OXTR: variants seen among roughly 807,000 people sequenced by gnomAD.
The protein encoded by OXTR is oxytocin receptor.
In OXTR, 19 loss-of-function variants were observed where a neutral mutation model predicts 23.9. That is an observed-to-expected ratio of 0.80 (90% CI 0.56 to 1.17). OXTR has a LOEUF of 1.17. Among genes scored for constraint, OXTR ranks in the 50% most tolerant of loss-of-function variants. OXTR has a pLI of 0.00. For synonymous variants in OXTR, 278 were observed against 250.5 expected (o/e 1.11, Z -1.04); for missense variants, 500 against 550.7 (o/e 0.91, Z 0.92).
At chr3:8,759,428 G>A (rs539159676) in intron 3 of OXTR, among the ~76,000 whole-genome samples, 6 of 152,276 alleles carry the variant, frequency 3.9e-5, no homozygotes, top group South Asian at 2.1e-4. Context: ...TGGTAGCTCC[G>A]TCCTTAGGCT....
the OXTR span, among the ~76,000 whole-genome samples, chr3:8,744,445 ATTTTTT>A: frequency 2.7e-4 from 30 of 111,378 alleles, no homozygotes; most frequent in South Asian, 8.5e-4. Context: ...TACCCGGCTA[ATTTTTT>A]TTTTTTTTTT....
downstream of OXTR, among the ~76,000 whole-genome samples, chr3:8,750,116 A>G (rs999934521): frequency 6.6e-6 from 1 of 152,238 alleles, no homozygotes; most frequent in South Asian, 2.1e-4. Context: ...GAACATGTTC[A>G]CTAGGTAAGA....
rs1322917559 is a variant in OXTR, at chr3:8,753,130, T to A, written c.1017A>T (p.Glu339Asp). The A allele has an allele frequency of 6.2e-7, 1 of 1,613,828 alleles. No homozygotes were observed. Among genetic ancestry groups the A allele is most frequent in the Non-Finnish European group, 8.5e-7 (1 of 1,180,002 alleles). ...YMLFTGHLFH[E>D]LVQRFLCCSA... Reference sequence around the variant, plus strand: ...AGCAGCACAGGAAGCGCTGCACGAGTTCGTGGAAGAGGTGGCCCGTGAACA... The same window carrying A: ...AGCAGCACAGGAAGCGCTGCACGAGATCGTGGAAGAGGTGGCCCGTGAACA... Residue 339 changes from glutamate (E) to aspartate (D), a missense_variant, in exon 4 of 4, where the codon GAA (glutamate) becomes GAT (aspartate). Transcript: ENST00000316793.
chr3:8,743,504 A>G, the OXTR span, among the ~76,000 whole-genome samples: 2 of 152,118 alleles, frequency 1.3e-5, no homozygotes, highest in Non-Finnish European at 2.9e-5. Flanking sequence ...TGCATAAGAG[A>G]TTAAGTCATC....
In OXTR at chr3:8,751,968, A is replaced by G. The variant is rs200499752; in HGVS notation, c.*1009T>C. The G allele has an allele frequency of 8.5e-5, 13 of 152,364 alleles. No individual in the cohort carries two copies. Among genetic ancestry groups the G allele is most frequent in the African/African-American group, 2.9e-4 (12 of 41,582 alleles). 9.4% of individuals were successfully genotyped at this position (152,364 alleles called of 1,614,324 possible). On this transcript the variant is annotated 3_prime_UTR_variant, in exon 4 of 4. Transcript: ENST00000316793. ...TCAGTTAGGATAGTATTGCCATCTT[A>G]ACAATACTAAGTCTGATCCATGAAC...
In OXTR at chr3:8,752,191, G is replaced by T. The variant is rs1006585509; in HGVS notation, c.*786C>A. 1 of 151,856 alleles carries T rather than the reference G, an allele frequency of 6.6e-6. No homozygotes were observed. Among genetic ancestry groups the T allele is most frequent in the East Asian group, 1.9e-4 (1 of 5,186 alleles). 9.4% of individuals were successfully genotyped at this position (151,856 alleles called of 1,614,324 possible). On this transcript the variant is annotated 3_prime_UTR_variant, in exon 4 of 4. Coordinates refer to ENST00000316793, the MANE Select transcript of OXTR (RefSeq NM_000916.4). ...CAATTCATTTTTGTATATTGATCTT[G>T]TATCTTGAAACCTTGCGGAACTTGC...
chr3:8,768,358 G>T lies in OXTR; in HGVS notation c.-142-29C>A. On this transcript the variant is annotated intron_variant, in intron 2 of 3. Transcript: ENST00000316793. This position sits in a 1 kb window ranked among gnomAD's most constrained non-coding sequence, Gnocchi z 5.4. ...AAACAAACCGGGAGGGCCGTGAGGA[G>T]ACCGCCGCGTTTCTCTTCCGACGCG... 1 of 1,089,754 alleles carries T rather than the reference G, an allele frequency of 9.2e-7. No individual in the cohort carries two copies. The highest frequency in any genetic ancestry group is 1.2e-6 in the Non-Finnish European group (1 of 866,284). 67.5% of individuals were successfully genotyped at this position (1,089,754 alleles called of 1,614,324 possible).
intron 3 of OXTR, among the ~76,000 whole-genome samples, chr3:8,758,677 C>A (rs953064981): frequency 6.6e-6 from 1 of 152,150 alleles, no homozygotes; most frequent in African/African-American, 2.4e-5. Flanking sequence ...TGTGTGATCA[C>A]CCCGTGTAGT....
In OXTR at chr3:8,751,849, C is replaced by T. The variant is rs528140964; in HGVS notation, c.*1128G>A. 2 of 152,124 alleles carry T rather than the reference C, an allele frequency of 1.3e-5. No individual in the cohort carries two copies. Among genetic ancestry groups the T allele is most frequent in the African/African-American group, 4.8e-5 (2 of 41,418 alleles). The allele number at this position is 152,124 out of a possible 1,614,324, so 9.4% of individuals were successfully genotyped here. ...CAAGGCTTATTTGGATATTCTGGGT[C>T]CCTTGCATTTCTTTATGAATTTTGG... On this transcript the variant is annotated 3_prime_UTR_variant, in exon 4 of 4. Transcript: ENST00000316793.
intron 3 of OXTR, among the ~76,000 whole-genome samples, chr3:8,759,093 A>G (rs1361106443): frequency 6.6e-6 from 1 of 152,236 alleles, no homozygotes; most frequent in Non-Finnish European, 1.5e-5. Context: ...AATACGCATT[A>G]AAGTTTGAGC....
rs900630591 is a variant in OXTR, at chr3:8,750,817, A to G, written c.*2160T>C. ...TTTGGGTTGTTTCCACTTTTTGGCT[A>G]TTACAAATAATGTTGCTATGAACAT... is the stretch of plus-strand genomic sequence containing the variant. On this transcript the variant is annotated 3_prime_UTR_variant, in exon 4 of 4. Coordinates refer to ENST00000316793, the MANE Select transcript of OXTR (RefSeq NM_000916.4). 1 of 152,182 alleles carries G rather than the reference A, an allele frequency of 6.6e-6. No homozygotes were observed. The highest frequency in any genetic ancestry group is 1.5e-5 in the Non-Finnish European group (1 of 68,036). The allele number at this position is 152,182 out of a possible 1,614,324, so 9.4% of individuals were successfully genotyped here.
Position 8,768,219 on chromosome 3 carries a change from C to A in OXTR, c.-32G>T. ...GGCGGCAGCGGTGCGCCCCGGCCTT[C>A]GAGCCCTTTACGGCTTGGCGCGGCT... On this transcript the variant is annotated 5_prime_UTR_variant, in exon 3 of 4. Coordinates refer to ENST00000316793, the MANE Select transcript of OXTR (RefSeq NM_000916.4). This position sits in a 1 kb window ranked among gnomAD's most constrained non-coding sequence, Gnocchi z 5.4. 1 of 1,277,704 alleles carries A rather than the reference C, an allele frequency of 7.8e-7. No individual in the cohort carries two copies. Among genetic ancestry groups the A allele is most frequent in the Non-Finnish European group, 9.8e-7 (1 of 1,018,386 alleles). The allele number at this position is 1,277,704 out of a possible 1,614,324, so 79.1% of individuals were successfully genotyped here. A position where few individuals can be genotyped will look rare whatever the true frequency, so the allele number is the denominator to read the frequency against.
At chr3:8,757,417 A>G (rs887624305) in intron 3 of OXTR, among the ~76,000 whole-genome samples, 3 of 151,286 alleles carry the variant, frequency 2.0e-5, no homozygotes, top group Non-Finnish European at 4.4e-5. Context: ...CATTTTCCCA[A>G]CACTTCTCAA....
the OXTR span, among the ~76,000 whole-genome samples, chr3:8,745,253 T>C: frequency 0.012 from 1,812 of 152,196 alleles, 31 homozygotes; most frequent in African/African-American, 0.042. This position sits in a 1 kb window ranked among gnomAD's most constrained non-coding sequence, Gnocchi z 4.8. Context: ...GGTTGAAAGC[T>C]CCCTGCGGCC....
Position 8,751,328 on chromosome 3 carries a change from AG to A in OXTR, c.*1648del, listed in dbSNP as rs1708253542. ...TCGCAAATATTTTCTCCCATTCTGC[AG>A]GTTATCTTTTCACCTTCTTGATAGG... On this transcript the variant is annotated 3_prime_UTR_variant, in exon 4 of 4. Coordinates refer to ENST00000316793, the MANE Select transcript of OXTR (RefSeq NM_000916.4). 6.6e-6 allele frequency: 1 copy of A among 152,168 alleles called. No homozygotes were observed. Among genetic ancestry groups the A allele is most frequent in the Non-Finnish European group, 1.5e-5 (1 of 68,022 alleles). The allele number at this position is 152,168 out of a possible 1,614,324, so 9.4% of individuals were successfully genotyped here.
chr3:8,753,364 C>T lies in OXTR; in HGVS notation c.923-140G>A, dbSNP rs981581090. The T allele has an allele frequency of 3.9e-6, 4 of 1,033,872 alleles. 1 individual carries two copies. In the South Asian group the frequency reaches 6.5e-5, roughly 17 times the overall value. The allele number at this position is 1,033,872 out of a possible 1,614,324, so 64.0% of individuals were successfully genotyped here. A position where few individuals can be genotyped will look rare whatever the true frequency, so the allele number is the denominator to read the frequency against. ...ACATCCTGAATCACAAGATGAGGTA[C>T]TAAAGAGGCAAAGTTTGTCTTCCTT... On this transcript the variant is annotated intron_variant, in intron 3 of 3. Transcript: ENST00000316793.
At chr3:8,759,153 A>G (rs370495492) in intron 3 of OXTR, among the ~76,000 whole-genome samples, 55 of 152,334 alleles carry the variant, frequency 3.6e-4, no homozygotes, top group Middle Eastern at 3.4e-3. Flanking sequence ...GAAGAAATGA[A>G]TAAAGTAACT....
Position 8,753,150 on chromosome 3 carries a change from T to C in OXTR, c.997A>G (p.Thr333Ala), listed in dbSNP as rs200483617. The change falls in exon 4 of 4, where the codon ACG (threonine) becomes GCG (alanine). Residue 333 changes from threonine to alanine, a missense_variant. By Grantham distance (58) the Thr-to-Ala change is moderately conservative. Coordinates refer to ENST00000316793, the MANE Select transcript of OXTR (RefSeq NM_000916.4). ...CCNPWIYMLFTGHLFHELVQR... is the reference protein window; with the variant it reads ...CCNPWIYMLFAGHLFHELVQR... Reference sequence around the variant, plus strand: ...ACGAGTTCGTGGAAGAGGTGGCCCGTGAACAGCATGTAGATCCAGGGGTTG... The same window carrying C: ...ACGAGTTCGTGGAAGAGGTGGCCCGCGAACAGCATGTAGATCCAGGGGTTG... 1.2e-6 allele frequency: 2 copies of C among 1,613,952 alleles called. No individual in the cohort carries two copies. Among genetic ancestry groups the C allele is most frequent in the Non-Finnish European group, 1.7e-6 (2 of 1,180,014 alleles).
At chr3:8,744,663 G>C in the OXTR span, among the ~76,000 whole-genome samples, 4 of 152,048 alleles carry the variant, frequency 2.6e-5, no homozygotes, top group Non-Finnish European at 5.9e-5. Context: ...AGCAGGGCTC[G>C]AGAGAGCTTA....
Sources: gnomAD v4.1 joint callset for allele counts (sites outside exome capture counted in the v4.1 genomes callset) on GRCh38, gnomAD v4.1.1 for gene constraint, Gnocchi (gnomAD v3.1) non-coding constraint, MANE v1.5 for transcripts, NCBI Gene and HGNC (gene_info 2026-07-23, HGNC 2026-07-21) for gene names.